The following ADGRF1 variants were observed in gnomAD, a reference collection of about 807,000 sequenced individuals.
ADGRF1 encodes the protein adhesion G protein-coupled receptor F1.
ADGRF1 carries 85 observed loss-of-function variants against 87.2 expected under a neutral mutation model. The ratio of observed to expected loss-of-function variants is 0.97; its 90% CI spans 0.82 to 1.17. The LOEUF is 1.17. ADGRF1 is among the 50% of genes most tolerant of loss of function. The pLI is 0.00. For synonymous variants in ADGRF1, 430 were observed against 408.8 expected (o/e 1.05, Z -0.63); for missense variants, 1,169 against 1,077.2 (o/e 1.09, Z -1.19).
intron 10 of ADGRF1, 38 bp from the exon 11 acceptor site, chr6:47,010,356 G>T: frequency 6.5e-7 from 1 of 1,526,744 alleles, no homozygotes. Flanking sequence ...GTGTTTTTGA[G>T]TAAACAGATA....
At position 47,016,724 on chromosome 6, in the gene ADGRF1, C is replaced by G. The variant is rs1422204349; in HGVS notation, c.656G>C (p.Ser219Thr). 1 of 1,604,982 alleles carries G rather than the reference C, an allele frequency of 6.2e-7. No individual in the cohort carries two copies. Among genetic ancestry groups the G allele is most frequent in the Admixed American group, 1.7e-5 (1 of 59,544 alleles). Residue 219 changes from serine to threonine, a missense_variant, in exon 8 of 15, where the codon AGT becomes ACT. Transcript: ENST00000371253. ...VAGYEVVGSS[S>T]ASELLSAIEH... ...AATGGCTGACAGCAGTTCAGATGCACTGCTGGAGCCAACAACTTCATACCC... is the reference window on the plus strand; with the variant it reads ...AATGGCTGACAGCAGTTCAGATGCAGTGCTGGAGCCAACAACTTCATACCC...
intron 2 of ADGRF1, among the ~76,000 whole-genome samples, 200 bp from the exon 3 acceptor site, chr6:47,027,961 G>T (rs951782784): frequency 6.6e-6 from 1 of 152,104 alleles, no homozygotes; most frequent in Admixed American, 6.6e-5. Context: ...GCAGGTAAAG[G>T]CAGAATGAGG....
intron 9 of ADGRF1, chr6:47,012,761 A>G (rs1779747307): frequency 1.0e-6 from 1 of 985,320 alleles, no homozygotes; most frequent in Admixed American, 6.2e-5. Flanking sequence ...CCGTTTTGTC[A>G]CAAGATTTGT....
intron 1 of ADGRF1, among the ~76,000 whole-genome samples, chr6:47,030,817 C>G (rs1045513115): frequency 5.9e-5 from 9 of 151,884 alleles, no homozygotes; most frequent in Non-Finnish European, 1.3e-4. Context: ...GGCTGGAGTG[C>G]AGTGGCATGA....
chr6:47,027,820 C>A, intron 2 of ADGRF1, 59 bp from the exon 3 acceptor site: 1 of 978,054 alleles, frequency 1.0e-6, no homozygotes, highest in South Asian at 1.3e-5. Flanking sequence ...CTTCATAAGG[C>A]CTTGCTGAGT....
At chr6:47,019,692 A>C (rs2113892335) in intron 7 of ADGRF1, 1 of 935,262 alleles carries the variant, frequency 1.1e-6, no homozygotes, top group East Asian at 1.2e-4. Flanking sequence ...TCAAAAAAAA[A>C]AAAAAAAGAA....
intron 9 of ADGRF1, chr6:47,013,828 G>T: frequency 5.5e-6 from 1 of 182,378 alleles, no homozygotes; most frequent in Non-Finnish European, 1.0e-5. Flanking sequence ...ACAAGATCTG[G>T]TTGTTTAAAA....
chr6:47,026,884 G>A (rs540572956), intron 3 of ADGRF1, among the ~76,000 whole-genome samples: 2 of 152,262 alleles, frequency 1.3e-5, no homozygotes, highest in South Asian at 4.1e-4. Flanking sequence ...GTCCACGCAG[G>A]TGTGCAGTGG....
chr6:47,023,312 T>C lies in ADGRF1; in HGVS notation c.451+732A>G, dbSNP rs191944204. Among the ~76,000 whole-genome samples the C allele has an allele frequency of 1.6e-4, 24 of 152,310 alleles. No homozygotes were observed. In the East Asian group the frequency reaches 4.3e-3, roughly 27 times the overall value. ...AGTAATGTGTTGCCATAACCTGAAT[T>C]GCTGTAGTCCCAGGAAGGAGAGCCA... On this transcript the variant is annotated intron_variant, in intron 5 of 14. Coordinates refer to ENST00000371253, the MANE Select transcript of ADGRF1 (RefSeq NM_153840.4).
chr6:47,039,509 G>A (rs1455391624), intron 1 of ADGRF1, among the ~76,000 whole-genome samples: 1 of 152,224 alleles, frequency 6.6e-6, no homozygotes, highest in African/African-American at 2.4e-5. Flanking sequence ...GAGGGGATGT[G>A]ATAAGAAGGC....
In ADGRF1 at chr6:47,001,353, G is replaced by A. The variant is rs1307065190; in HGVS notation, c.2659+148C>T. 8.0e-6 allele frequency: 5 copies of A among 625,304 alleles called. No individual in the cohort carries two copies. The Admixed American group carries it at 9.4e-5, about 12-fold the overall frequency. The allele number at this position is 625,304 out of a possible 1,614,324, so 38.7% of individuals were successfully genotyped here. A position where few individuals can be genotyped will look rare whatever the true frequency, so the allele number is the denominator to read the frequency against. On this transcript the variant is annotated intron_variant, in intron 14 of 14. Transcript: ENST00000371253. Reference sequence around the variant, plus strand: ...CATTGTTCTGTCAGCCCTGAGCACGGTCTGGATGAACTCTGAAAACATGGC... The same window carrying A: ...CATTGTTCTGTCAGCCCTGAGCACGATCTGGATGAACTCTGAAAACATGGC...
At chr6:47,035,043 G>A (rs1333253842) in intron 1 of ADGRF1, among the ~76,000 whole-genome samples, 4 of 152,292 alleles carry the variant, frequency 2.6e-5, no homozygotes, top group Non-Finnish European at 4.4e-5. Flanking sequence ...TCATTGCTCA[G>A]TATGCCTTCT....
intron 4 of ADGRF1, among the ~76,000 whole-genome samples, chr6:47,025,288 C>A (rs996493528): frequency 1.3e-5 from 2 of 152,172 alleles, no homozygotes; most frequent in Non-Finnish European, 2.9e-5. Flanking sequence ...AGTTTCTGAT[C>A]CTCTTAAGTC....
intron 1 of ADGRF1, among the ~76,000 whole-genome samples, chr6:47,034,122 G>A (rs891993988): frequency 4.3e-4 from 66 of 152,200 alleles, no homozygotes; most frequent in African/African-American, 1.5e-3. Flanking sequence ...TACCTCTTCC[G>A]TGAGGATTTG....
In ADGRF1 at chr6:47,013,076, A is replaced by G. The variant is rs1045100488; in HGVS notation, c.928-881T>C. ...CATGAGCCACTGCACCCGGCCCTAG[A>G]TTTGGAATTTTACTTCTTTCTTGAG... On this transcript the variant is annotated intron_variant, in intron 9 of 14. Coordinates refer to ENST00000371253, the MANE Select transcript of ADGRF1 (RefSeq NM_153840.4). 6.1e-6 allele frequency: 6 copies of G among 985,304 alleles called. No homozygotes were observed. In the South Asian group the frequency reaches 1.9e-4, roughly 31 times the overall value. 61.0% of individuals were successfully genotyped at this position (985,304 alleles called of 1,614,324 possible).
chr6:47,003,938 T>C (rs1196314945), intron 13 of ADGRF1, among the ~76,000 whole-genome samples: 2 of 152,192 alleles, frequency 1.3e-5, no homozygotes, highest in Non-Finnish European at 2.9e-5. Flanking sequence ...CCTGCATCAA[T>C]GTGGTACTTC....
At chr6:47,019,399 GT>G (rs1463651284) in intron 7 of ADGRF1, 196 of 984,646 alleles carry the variant, frequency 2.0e-4, no homozygotes, top group Non-Finnish European at 2.4e-4. Flanking sequence ...TTTCCTATGG[GT>G]TGGCCAGATG....
At chr6:47,016,020 G>C (rs1779864777) in intron 8 of ADGRF1, among the ~76,000 whole-genome samples, 1 of 152,096 alleles carries the variant, frequency 6.6e-6, no homozygotes, top group South Asian at 2.1e-4. Flanking sequence ...TTATAGACGT[G>C]AGCCACTGCA....
At position 47,029,115 on chromosome 6, in the gene ADGRF1, A is replaced by G; in HGVS notation, c.-43-11T>C. On this transcript the variant is annotated splice_polypyrimidine_tract_variant and intron_variant, in intron 1 of 14. Transcript: ENST00000371253. ...GTGCATAGTCTGTGACTAAACAAGC[A>G]GGGTACCAGGTAAGGTAGAGGCACA... The G allele has an allele frequency of 1.4e-6, 2 of 1,432,294 alleles. No homozygotes were observed. The highest frequency in any genetic ancestry group is 2.0e-6 in the Non-Finnish European group (2 of 1,014,560). 88.7% of individuals were successfully genotyped at this position (1,432,294 alleles called of 1,614,324 possible). A position where few individuals can be genotyped will look rare whatever the true frequency, so the allele number is the denominator to read the frequency against.
Sources: allele counts gnomAD v4.1 joint callset (sites outside exome capture counted in the v4.1 genomes callset), GRCh38; gene constraint gnomAD v4.1.1; transcripts MANE v1.5; gene names NCBI Gene and HGNC (gene_info 2026-07-23, HGNC 2026-07-21).